Variants in DIO2 observed in about 807,000 individuals in gnomAD.
DIO2 encodes iodothyronine deiodinase 2, also known as type II iodothyronine deiodinase.
Under a neutral mutation model 21.4 loss-of-function variants are expected in DIO2, and 19 were observed. That is an observed-to-expected ratio of 0.89 (90% CI 0.62 to 1.30). DIO2 has a LOEUF of 1.30. Ranked by LOEUF, DIO2 falls within the 50% of genes most tolerant of loss-of-function variation. DIO2 has a pLI of 0.00. For synonymous variants in DIO2, 122 were observed against 132.9 expected, an observed-to-expected ratio of 0.92 and a Z score of 0.57; for missense variants, 302 against 338.1, an observed-to-expected ratio of 0.89 and a Z score of 0.84.
chr14:80,203,399 G>A (rs1199126016), intron 1 of DIO2, 111 bp from the exon 2 acceptor site: 2 of 1,275,446 alleles, frequency 1.6e-6, no homozygotes, highest in South Asian at 3.4e-5. Context: ...CTAATAGAGT[G>A]TGGTATTTCC....
chr14:80,208,877 C>T (rs756811657), intron 1 of DIO2, among the ~76,000 whole-genome samples: 37 of 152,174 alleles, frequency 2.4e-4, no homozygotes, highest in Non-Finnish European at 4.3e-4. Context: ...CACACCCAGT[C>T]CAGTCTTGTT....
chr14:80,229,095 T>C (rs546031455), intron 2 of DIO2, among the ~76,000 whole-genome samples: 2 of 152,248 alleles, frequency 1.3e-5, no homozygotes, highest in South Asian at 4.1e-4. Context: ...GTCTGGAAAT[T>C]GATTGAGGGG....
At chr14:80,222,889 G>GTTTTTT (rs1888494192) in intron 2 of DIO2, among the ~76,000 whole-genome samples, 1 of 143,686 alleles carries the variant, frequency 7.0e-6, no homozygotes, top group African/African-American at 2.6e-5. Flanking sequence ...ACAGGGTCTT[G>GTTTTTT]CTTCATTGCC....
chr14:80,219,388 A>G (rs1280864790), intron 2 of DIO2: 1 of 152,204 alleles, frequency 6.6e-6, no homozygotes, highest in Non-Finnish European at 1.5e-5. Context: ...TTCTATCTGT[A>G]GCCCCAGCAT....
At chr14:80,213,545 T>C (rs1216279329), upstream of DIO2, among the ~76,000 whole-genome samples, 1 of 152,150 alleles carries the variant, frequency 6.6e-6, no homozygotes, top group African/African-American at 2.4e-5. Flanking sequence ...AAAACAATAA[T>C]CAAAAAAGAA....
In DIO2 at chr14:80,211,245, G is replaced by A. The variant is rs752296707; in HGVS notation, c.222+6C>T. On this transcript the variant is annotated splice_donor_region_variant and intron_variant, in intron 1 of 1. Transcript: ENST00000438257. Reference sequence around the variant, plus strand: ...CTAGGGAGAAGCCCTTCTCAGCTCAGCTCACCTGTTTGTAGGCATCGAGGA... The same window carrying A: ...CTAGGGAGAAGCCCTTCTCAGCTCAACTCACCTGTTTGTAGGCATCGAGGA... The A allele has an allele frequency of 6.8e-6, 11 of 1,607,180 alleles. No homozygotes were observed. The highest frequency in any genetic ancestry group is 9.3e-6 in the Non-Finnish European group (11 of 1,178,962).
At position 80,198,841 on chromosome 14, in the gene DIO2, T is replaced by G. The variant is rs1288578121; in HGVS notation, c.*3848A>C. 1 of 150,406 alleles carries G rather than the reference T, an allele frequency of 6.6e-6. No homozygotes were observed. The highest frequency in any genetic ancestry group is 2.0e-4 in the East Asian group (1 of 5,116). The allele number at this position is 150,406 out of a possible 1,614,324, so 9.3% of individuals were successfully genotyped here. On this transcript the variant is annotated 3_prime_UTR_variant, in exon 2 of 2. Transcript: ENST00000438257. ...TTGCAGTCTCCACTGCTGAGACACA[T>G]GACAGTGGGGATGTTCTGAAAAGCT...
intron 2 of DIO2, among the ~76,000 whole-genome samples, chr14:80,218,592 C>T (rs1266965832): frequency 6.6e-6 from 1 of 152,080 alleles, no homozygotes; most frequent in Non-Finnish European, 1.5e-5. Flanking sequence ...TTTCCTGGAC[C>T]AGAAAGTAGT....
chr14:80,230,305 C>T (rs895272822), intron 2 of DIO2, among the ~76,000 whole-genome samples: 4 of 152,158 alleles, frequency 2.6e-5, no homozygotes, highest in African/African-American at 9.7e-5. Context: ...ACAGTAGACA[C>T]CTGGTGAGGC....
chr14:80,209,917 T>C (rs1175601265), intron 1 of DIO2, among the ~76,000 whole-genome samples: 1 of 152,252 alleles, frequency 6.6e-6, no homozygotes, highest in African/African-American at 2.4e-5. Flanking sequence ...AAGTTACTTC[T>C]TCTCTTTTCT....
intron 2 of DIO2, among the ~76,000 whole-genome samples, chr14:80,218,893 G>A (rs202062947): frequency 2.0e-5 from 3 of 152,062 alleles, no homozygotes; most frequent in Admixed American, 6.6e-5. Flanking sequence ...CACGAGAATC[G>A]CTTGAATCCA....
In DIO2 at chr14:80,203,235, T is replaced by G. The variant is rs780627135; in HGVS notation, c.276A>C (p.Thr92=). ...PNSSVVHVSS[T]EGGDNSGNGT... ...CATTGCCACTGTTGTCACCTCCTTC[T>G]GTACTGGAGACATGCACCACACTGG... The change falls in exon 2 of 2, where the codon ACA becomes ACC. Residue 92 remains threonine, a synonymous_variant. Transcript: ENST00000438257. 1 of 1,609,272 alleles carries G rather than the reference T, an allele frequency of 6.2e-7. No homozygotes were observed. Among genetic ancestry groups the G allele is most frequent in the Non-Finnish European group, 8.5e-7 (1 of 1,178,072 alleles).
chr14:80,211,811 G>A (rs894350367), upstream of DIO2: 1 of 118,502 alleles, frequency 8.4e-6, no homozygotes, highest in African/African-American at 3.5e-5. Flanking sequence ...AAAAGCTGGC[G>A]TACTCGTCCC....
intron 1 of DIO2, chr14:80,206,249 T>TGAGTA (rs1566661817): frequency 1.3e-6 from 2 of 1,562,758 alleles, no homozygotes; most frequent in Non-Finnish European, 1.7e-6. Flanking sequence ...AATCCAAATG[T>TGAGTA]GAGTAGACCA....
At chr14:80,217,325 G>A (rs1040955865) in intron 2 of DIO2, among the ~76,000 whole-genome samples, 9 of 152,102 alleles carry the variant, frequency 5.9e-5, no homozygotes, top group Non-Finnish European at 1.2e-4. Flanking sequence ...TTTTAAGCTC[G>A]TGGTACTCTT....
chr14:80,213,732 T>C (rs1355750981), upstream of DIO2, among the ~76,000 whole-genome samples: 53 of 152,160 alleles, frequency 3.5e-4, 1 homozygote, highest in Non-Finnish European at 1.9e-4. Flanking sequence ...ACCATTCACA[T>C]ACAATATGAT....
At chr14:80,204,766 C>G (rs1243363396) in intron 1 of DIO2, among the ~76,000 whole-genome samples, 1 of 152,136 alleles carries the variant, frequency 6.6e-6, no homozygotes, top group South Asian at 2.1e-4. Flanking sequence ...ACTGATATAA[C>G]CCACTCAAGG....
chr14:80,227,892 G>C (rs755999640), intron 2 of DIO2, among the ~76,000 whole-genome samples: 1 of 152,208 alleles, frequency 6.6e-6, no homozygotes, highest in Non-Finnish European at 1.5e-5. Context: ...CTCTTTCTTG[G>C]TTGTAGGAGG....
chr14:80,202,123 G>A lies in DIO2; in HGVS notation c.*566C>T, dbSNP rs1220614891. On this transcript the variant is annotated 3_prime_UTR_variant, in exon 2 of 2. Transcript: ENST00000438257. ...CTACAAATATACCAATAATTTCTGGGGTATGAAGACTGAGAGCACTACATG... is the reference window on the plus strand; with the variant it reads ...CTACAAATATACCAATAATTTCTGGAGTATGAAGACTGAGAGCACTACATG... The A allele has an allele frequency of 6.3e-6, 2 of 316,924 alleles. No homozygotes were observed. Among genetic ancestry groups the A allele is most frequent in the Admixed American group, 4.4e-5 (1 of 22,696 alleles). 19.6% of individuals were successfully genotyped at this position (316,924 alleles called of 1,614,324 possible). A position where few individuals can be genotyped will look rare whatever the true frequency, so the allele number is the denominator to read the frequency against.
Sources: gnomAD v4.1 joint callset for allele counts (sites outside exome capture counted in the v4.1 genomes callset) on GRCh38, gnomAD v4.1.1 for gene constraint, MANE v1.5 for transcripts, NCBI Gene and HGNC (gene_info 2026-07-23, HGNC 2026-07-21) for gene names.